DENND2C: variants seen among roughly 807,000 people sequenced by gnomAD.
DENND2C encodes DENN domain containing 2C, also known as DENN domain-containing protein 2C.
Under a neutral mutation model 112.4 loss-of-function variants are expected in DENND2C, and 72 were observed. That is an observed-to-expected ratio of 0.64 (90% CI 0.53 to 0.78). The LOEUF (loss-of-function observed/expected upper bound fraction) is 0.78, where lower values mean the gene tolerates loss of function less well. Among genes scored for constraint, DENND2C ranks in the 30% least tolerant of loss-of-function variants. The pLI is 0.00. For synonymous variants in DENND2C, 329 were observed against 381.6 expected (o/e 0.86, Z 1.61); for missense variants, 992 against 1,113.8 (o/e 0.89, Z 1.56).
chr1:114,622,220 C>T (rs1461833008), intron 6 of DENND2C, among the ~76,000 whole-genome samples, 155 bp from the exon 7 acceptor site: 1 of 152,018 alleles, frequency 6.6e-6, no homozygotes, highest in Non-Finnish European at 1.5e-5. Context: ...CTCAAGTGAT[C>T]CCCCCACCTC....
At chr1:114,660,441 AGCTTTCCT>A (rs1657461490) in intron 1 of DENND2C, among the ~76,000 whole-genome samples, 1 of 152,156 alleles carries the variant, frequency 6.6e-6, no homozygotes, top group Admixed American at 6.5e-5. Flanking sequence ...GAAAGCTCCA[AGCTTTCCT>A]GCTGCCCTGG....
chr1:114,658,249 A>C (rs1227572117), intron 1 of DENND2C, among the ~76,000 whole-genome samples: 1 of 152,220 alleles, frequency 6.6e-6, no homozygotes, highest in Non-Finnish European at 1.5e-5. Flanking sequence ...TTATGAAAAA[A>C]ACCTTTGAGA....
chr1:114,600,752 G>C, intron 14 of DENND2C, 68 bp downstream of exon 14: 8 of 1,548,726 alleles, frequency 5.2e-6, no homozygotes, highest in Non-Finnish European at 7.0e-6. Flanking sequence ...TTGGGCTCTG[G>C]AAACTGCCTA....
chr1:114,598,201 C>T (rs545567263), intron 16 of DENND2C, among the ~76,000 whole-genome samples: 17 of 152,210 alleles, frequency 1.1e-4, no homozygotes, highest in African/African-American at 4.1e-4. Context: ...TTCATAACAA[C>T]CTCAAACTGG....
chr1:114,665,267 T>C (rs1402692058), intron 1 of DENND2C, among the ~76,000 whole-genome samples: 1 of 56,750 alleles, frequency 1.8e-5, no homozygotes. Context: ...AGACCCTGTC[T>C]CTTGAAAAAA....
At chr1:114,587,594 C>A (rs1397790181) in intron 19 of DENND2C, 121 bp from the exon 20 acceptor site, 1 of 1,423,378 alleles carries the variant, frequency 7.0e-7, no homozygotes, top group Non-Finnish European at 9.7e-7. Context: ...CAAAATAATT[C>A]TCATAATAAA....
At chr1:114,613,154 A>C (rs1376466807) in intron 8 of DENND2C, among the ~76,000 whole-genome samples, 4 of 152,224 alleles carry the variant, frequency 2.6e-5, no homozygotes, top group African/African-American at 7.2e-5. Context: ...CTACTAGCTA[A>C]ATAAAATTTT....
Position 114,668,520 on chromosome 1 carries a change from AACAC to A in DENND2C, c.-574+1459_-574+1462del, listed in dbSNP as rs71580644. Among the ~76,000 whole-genome samples, 868 of 146,914 alleles carry A rather than the reference AACAC, an allele frequency of 5.9e-3. 5 individuals carry two copies. Among genetic ancestry groups the A allele is most frequent in the African/African-American group, 0.012 (480 of 39,538 alleles). On this transcript the variant is annotated intron_variant, in intron 1 of 20. Coordinates refer to ENST00000393274, the MANE Select transcript of DENND2C (RefSeq NM_001256404.2). ...ATTTAAAAAACGTACTGCCACATTC[AACAC>A]ACACACACACACACACACACACACA...
At position 114,661,422 on chromosome 1, in the gene DENND2C, C is replaced by T. The variant is rs148723317; in HGVS notation, c.-573-6661G>A. ...TTTCCCTTATGCCACTGATACACAA[C>T]TAAATGAGACAATAATCTTTCTCAG... is the stretch of plus-strand genomic sequence containing the variant. On this transcript the variant is annotated intron_variant, in intron 1 of 20. Coordinates refer to ENST00000393274, the MANE Select transcript of DENND2C (RefSeq NM_001256404.2). Among the ~76,000 whole-genome samples the T allele has an allele frequency of 2.5e-3, 382 of 152,254 alleles. 2 individuals carry two copies. The highest frequency in any genetic ancestry group is 4.3e-3 in the African/African-American group (179 of 41,534).
At position 114,599,981 on chromosome 1, in the gene DENND2C, G is replaced by T. The variant is rs183298782; in HGVS notation, c.2105+223C>A. Among the ~76,000 whole-genome samples the T allele has an allele frequency of 1.6e-3, 242 of 151,750 alleles. 4 individuals carry two copies. Among genetic ancestry groups the T allele is most frequent in the African/African-American group, 5.7e-3 (235 of 41,374 alleles). On this transcript the variant is annotated intron_variant, in intron 15 of 20. Coordinates refer to ENST00000393274, the MANE Select transcript of DENND2C (RefSeq NM_001256404.2). The stretch of plus-strand genomic sequence containing the variant: ...GGGGCCTGTCGTGGGGTGGGGGGAT[G>T]GGGGGAGGGCTAGCATTAGGAGAAA...
At chr1:114,663,298 G>A (rs997819515) in intron 1 of DENND2C, among the ~76,000 whole-genome samples, 2 of 152,108 alleles carry the variant, frequency 1.3e-5, no homozygotes, top group African/African-American at 2.4e-5. Flanking sequence ...TCACTGAAGC[G>A]AAAAGATCAA....
chr1:114,655,454 G>T (rs1402439547), intron 1 of DENND2C, among the ~76,000 whole-genome samples: 3 of 152,258 alleles, frequency 2.0e-5, no homozygotes, highest in Admixed American at 6.5e-5. Context: ...CACCTATGAT[G>T]CACCAAGTGT....
intron 3 of DENND2C, among the ~76,000 whole-genome samples, chr1:114,631,681 C>T (rs1656494127): frequency 6.6e-6 from 1 of 152,042 alleles, no homozygotes; most frequent in Admixed American, 6.6e-5. Context: ...ACTCGGGAGA[C>T]TGAGGCAGGA....
intron 10 of DENND2C, among the ~76,000 whole-genome samples, chr1:114,607,245 T>C (rs781260615): frequency 1.1e-4 from 16 of 152,190 alleles, no homozygotes; most frequent in Non-Finnish European, 2.4e-4. Flanking sequence ...CCAGACTTCA[T>C]TTACAAAACA....
At position 114,584,253 on chromosome 1, in the gene DENND2C, GTTT is replaced by G. The variant is rs1007330120; in HGVS notation, c.*1344_*1346del. The G allele has an allele frequency of 6.6e-6, 1 of 152,000 alleles. No individual in the cohort carries two copies. Among genetic ancestry groups the G allele is most frequent in the Non-Finnish European group, 1.5e-5 (1 of 68,010 alleles). The allele number at this position is 152,000 out of a possible 1,614,324, so 9.4% of individuals were successfully genotyped here. On this transcript the variant is annotated 3_prime_UTR_variant, in exon 21 of 21. Coordinates refer to ENST00000393274, the MANE Select transcript of DENND2C (RefSeq NM_001256404.2). ...CAACGTATTTAACTTCTTTGAATTT[GTTT>G]TTTTCTTTTTTCTTTTCCTTTTTTC...
intron 2 of DENND2C, among the ~76,000 whole-genome samples, chr1:114,649,066 T>C (rs1657080329): frequency 6.6e-6 from 1 of 152,060 alleles, no homozygotes; most frequent in Non-Finnish European, 1.5e-5. Context: ...ATGATTCTCC[T>C]GCCTCAGCCT....
intron 3 of DENND2C, among the ~76,000 whole-genome samples, chr1:114,637,447 G>A (rs1656689037): frequency 6.6e-6 from 1 of 151,534 alleles, no homozygotes; most frequent in Non-Finnish European, 1.5e-5. Flanking sequence ...AAAACCACAA[G>A]CTAATGTGGA....
intron 2 of DENND2C, among the ~76,000 whole-genome samples, chr1:114,647,659 G>A (rs1657031230): frequency 6.6e-6 from 1 of 152,094 alleles, no homozygotes. Context: ...AACCTCAAGT[G>A]ATTCGCCTGC....
chr1:114,597,042 G>T (rs1459073562), intron 16 of DENND2C, among the ~76,000 whole-genome samples: 2 of 152,226 alleles, frequency 1.3e-5, no homozygotes, highest in East Asian at 1.9e-4. Context: ...GAAAAAGATT[G>T]ATAATTTTAA....
Sources: gnomAD v4.1 joint callset for allele counts (sites outside exome capture counted in the v4.1 genomes callset) on GRCh38, gnomAD v4.1.1 for gene constraint, MANE v1.5 for transcripts, NCBI Gene and HGNC (gene_info 2026-07-23, HGNC 2026-07-21) for gene names.